LEUTX: variants seen among roughly 807,000 people sequenced by gnomAD.
The protein encoded by LEUTX is leucine twenty homeobox.
LEUTX carries 5 observed loss-of-function variants against 4.5 expected under a neutral mutation model. The observed-to-expected ratio is 1.11, with a 90% CI of 0.58 to 2.34. The LOEUF (loss-of-function observed/expected upper bound fraction) is 2.34. Ranked by LOEUF, LEUTX falls within the 30% of genes most tolerant of loss-of-function variation. The probability of loss-of-function intolerance (pLI) is 0.01; values close to 1 mark genes in which losing one functional copy is unlikely to be tolerated. For missense variants in LEUTX, 233 were observed against 239.4 expected (o/e 0.97, Z 0.18); for synonymous variants, 89 against 85.1 (o/e 1.05, Z -0.25).
intron 1 of LEUTX, among the ~76,000 whole-genome samples, chr19:39,780,708 C>A (rs1465129968): frequency 1.3e-5 from 2 of 151,940 alleles, no homozygotes; most frequent in Non-Finnish European, 2.9e-5. Flanking sequence ...TCTATTATTG[C>A]CTAAGGGTTT....
intron 1 of LEUTX, among the ~76,000 whole-genome samples, chr19:39,782,445 C>T (rs1967900721): frequency 6.6e-6 from 1 of 152,176 alleles, no homozygotes; most frequent in Non-Finnish European, 1.5e-5. Context: ...TGGCTTTGCT[C>T]CTCCTTGCTT....
chr19:39,783,153 A>G (rs1967912241), intron 1 of LEUTX, among the ~76,000 whole-genome samples: 1 of 150,966 alleles, frequency 6.6e-6, no homozygotes, highest in African/African-American at 2.4e-5. Context: ...TTCCTGAGTT[A>G]CTTCACTTAG....
chr19:39,776,473 A>G (rs1213256770), upstream of LEUTX: 2 of 378,258 alleles, frequency 5.3e-6, no homozygotes, highest in Non-Finnish European at 1.0e-5. Flanking sequence ...CGCACCACAC[A>G]GAAGTTCTGA....
intron 1 of LEUTX, among the ~76,000 whole-genome samples, chr19:39,784,274 T>C (rs1268294321): frequency 6.6e-6 from 1 of 152,170 alleles, no homozygotes; most frequent in Admixed American, 6.5e-5. Flanking sequence ...ATCACGGATT[T>C]CTTCTTGGTT....
upstream of LEUTX, chr19:39,776,508 G>C: frequency 2.3e-6 from 1 of 433,578 alleles, no homozygotes; most frequent in Non-Finnish European, 4.6e-6. Flanking sequence ...TATGAGAGAA[G>C]CCTTTGATGA....
chr19:39,778,168 G>A (rs946850926), upstream of LEUTX, among the ~76,000 whole-genome samples: 1 of 152,188 alleles, frequency 6.6e-6, no homozygotes, highest in African/African-American at 2.4e-5. Context: ...CTGAAAGGTG[G>A]AGTAAATGAG....
intron 2 of LEUTX, 104 bp from the exon 3 acceptor site, chr19:39,785,594 T>A: frequency 1.2e-6 from 1 of 829,606 alleles, no homozygotes; most frequent in Non-Finnish European, 1.9e-6. Context: ...TTCCAATAAA[T>A]GTGAGACTCT....
At chr19:39,783,350 TAC>T (rs1042697952) in intron 1 of LEUTX, among the ~76,000 whole-genome samples, 1 of 101,096 alleles carries the variant, frequency 9.9e-6, no homozygotes, top group African/African-American at 3.5e-5. Context: ...TATATATATA[TAC>T]ATATATATAT....
chr19:39,783,276 T>G (rs1189945073), intron 1 of LEUTX, among the ~76,000 whole-genome samples: 1 of 146,756 alleles, frequency 6.8e-6, no homozygotes, highest in African/African-American at 2.5e-5. Context: ...TATATATAAA[T>G]TATAATATTT....
intron 1 of LEUTX, among the ~76,000 whole-genome samples, chr19:39,781,075 T>C (rs1381467590): frequency 1.3e-5 from 2 of 152,060 alleles, no homozygotes; most frequent in African/African-American, 4.8e-5. Context: ...CTCTTCCACT[T>C]TCCCTTTCTT....
At chr19:39,778,134 T>A (rs1967826567), upstream of LEUTX, among the ~76,000 whole-genome samples, 1 of 151,944 alleles carries the variant, frequency 6.6e-6, no homozygotes, top group South Asian at 2.1e-4. Context: ...GGGGGAGGAA[T>A]AAATAAATGA....
At chr19:39,783,310 T>C (rs1265530952) in intron 1 of LEUTX, among the ~76,000 whole-genome samples, 1 of 145,784 alleles carries the variant, frequency 6.9e-6, no homozygotes, top group African/African-American at 2.5e-5. Flanking sequence ...TTATATACAA[T>C]ATAATTTATA....
intron 1 of LEUTX, among the ~76,000 whole-genome samples, chr19:39,779,171 C>T (rs749826873): frequency 2.0e-5 from 3 of 152,114 alleles, no homozygotes; most frequent in Admixed American, 6.5e-5. Flanking sequence ...AGGCTGGCCT[C>T]GAGCTCCTAG....
chr19:39,778,408 GT>G (rs1380831087), upstream of LEUTX, among the ~76,000 whole-genome samples: 2 of 151,724 alleles, frequency 1.3e-5, no homozygotes, highest in Non-Finnish European at 1.5e-5. Flanking sequence ...AGATGGGCGG[GT>G]GAAGGGCTTA....
At chr19:39,779,073 A>C (rs1050919324) in intron 1 of LEUTX, 146 bp downstream of exon 1, 2 of 152,298 alleles carry the variant, frequency 1.3e-5, no homozygotes, top group Non-Finnish European at 2.9e-5. Context: ...GGATTGTTTG[A>C]AAAACACTTT....
Position 39,785,730 on chromosome 19 carries a change from GA to G in LEUTX, c.193del (p.Arg65GlyfsTer13). ...TCAAGAACCAGCGTGCCAAATGGAAGAGGCAGCAGCGGCAGCAAATGCAGAC... is the reference window on the plus strand; with the variant it reads ...TCAAGAACCAGCGTGCCAAATGGAAGGGCAGCAGCGGCAGCAAATGCAGAC... ...WFKNQRAKWK[R>X]QQRQQMQTRP... is the part of the protein sequence containing the mutation. On this transcript the variant is annotated frameshift_variant, in exon 3 of 3. Coordinates refer to ENST00000638280, the MANE Select transcript of LEUTX (RefSeq NM_001382345.1). LOFTEE classifies it low-confidence loss of function (END_TRUNC). 2 of 1,551,900 alleles carry G rather than the reference GA, an allele frequency of 1.3e-6. No homozygotes were observed. Among genetic ancestry groups the G allele is most frequent in the Non-Finnish European group, 1.7e-6 (2 of 1,147,026 alleles).
chr19:39,785,557 A>G, intron 2 of LEUTX, 141 bp from the exon 3 acceptor site: 2 of 655,246 alleles, frequency 3.1e-6, no homozygotes, highest in Admixed American at 2.9e-5. Flanking sequence ...AACCCAGGAC[A>G]GCAGAGAGTA....
intron 1 of LEUTX, among the ~76,000 whole-genome samples, chr19:39,783,736 T>C (rs1967922607): frequency 2.5e-5 from 3 of 122,410 alleles, no homozygotes; most frequent in Non-Finnish European, 6.1e-5. Context: ...ATTTGTGATG[T>C]TGAGCATTTT....
At chr19:39,778,484 G>A (rs1003196731), upstream of LEUTX, among the ~76,000 whole-genome samples, 4 of 151,968 alleles carry the variant, frequency 2.6e-5, no homozygotes, top group Non-Finnish European at 4.4e-5. Flanking sequence ...ACTGGAAGCC[G>A]TCCACGCACA....
Sources: allele counts gnomAD v4.1 joint callset (sites outside exome capture counted in the v4.1 genomes callset), GRCh38; gene constraint gnomAD v4.1.1; transcripts MANE v1.5; gene names NCBI Gene and HGNC (gene_info 2026-07-23, HGNC 2026-07-21).